Variants in IL17RD observed in about 807,000 individuals in gnomAD.
The protein encoded by IL17RD is interleukin-17 receptor D.
In IL17RD, 52 loss-of-function variants were observed where a neutral mutation model predicts 80.5. The observed-to-expected ratio is 0.65, with a 90% confidence interval of 0.52 to 0.81. The LOEUF (loss-of-function observed/expected upper bound fraction) is 0.81, where lower values mean the gene tolerates loss of function less well. Ranked by LOEUF, IL17RD falls within the 40% of genes least tolerant of loss-of-function variation. The probability of loss-of-function intolerance (pLI) is 0.00; values close to 1 mark genes in which losing one functional copy is unlikely to be tolerated. For missense variants in IL17RD, 1,024 were observed against 955.1 expected, an observed-to-expected ratio of 1.07 and a Z score of -0.95; for synonymous variants, 416 against 391.8, an observed-to-expected ratio of 1.06 and a Z score of -0.73.
In IL17RD at chr3:57,090,400, C is replaced by G. The variant is rs1706527244; in HGVS notation, c.*5993G>C. On this transcript the variant is annotated 3_prime_UTR_variant, in exon 13 of 13. Transcript: ENST00000296318. ...ATGCTTTTTTCTTGAGAGAAACATA[C>G]CAAACTTTTTGTTGTTGTTGTTGAG... 6.5e-6 allele frequency: 1 copy of G among 153,460 alleles called. No homozygotes were observed. The highest frequency in any genetic ancestry group is 1.4e-5 in the Non-Finnish European group (1 of 69,056). The allele number at this position is 153,460 out of a possible 1,614,324, so 9.5% of individuals were successfully genotyped here.
chr3:57,170,008 C>G (rs1412919481), upstream of IL17RD, among the ~76,000 whole-genome samples: 1 of 152,216 alleles, frequency 6.6e-6, no homozygotes, highest in Admixed American at 6.5e-5. Context: ...ATCGCCTGGC[C>G]TGGGACCGCC....
At chr3:57,165,747 G>C (rs1475600472), upstream of IL17RD, among the ~76,000 whole-genome samples, 1 of 152,108 alleles carries the variant, frequency 6.6e-6, no homozygotes, top group African/African-American at 2.4e-5. Flanking sequence ...GTGTATTATT[G>C]TTATCCCAGT....
chr3:57,114,434 T>G (rs1707166250), intron 3 of IL17RD, among the ~76,000 whole-genome samples: 1 of 152,224 alleles, frequency 6.6e-6, no homozygotes, highest in African/African-American at 2.4e-5. Context: ...ATCAGTGCCA[T>G]TTATTACTCA....
intron 11 of IL17RD, among the ~76,000 whole-genome samples, chr3:57,100,115 C>T (rs1262957277): frequency 2.0e-5 from 3 of 152,208 alleles, no homozygotes; most frequent in Non-Finnish European, 4.4e-5. Flanking sequence ...ACTGGAAGAG[C>T]GTTTTCCCCA....
chr3:57,114,632 C>T (rs949085258), intron 3 of IL17RD, 60 bp downstream of exon 3: 2 of 1,509,186 alleles, frequency 1.3e-6, no homozygotes, highest in South Asian at 1.4e-5. Flanking sequence ...CATGTGGGAC[C>T]TTTGCACTGG....
In IL17RD at chr3:57,120,328, G is replaced by C; in HGVS notation, c.127-15C>G. Reference sequence around the variant, plus strand: ...GGCCCCACTCCCTGTGGGAAAACAAGAGAACATGATGCAGAGTGAAGCCAA... The same window carrying C: ...GGCCCCACTCCCTGTGGGAAAACAACAGAACATGATGCAGAGTGAAGCCAA... On this transcript the variant is annotated splice_polypyrimidine_tract_variant and intron_variant, in intron 1 of 12. Transcript: ENST00000296318. 1 of 1,609,724 alleles carries C rather than the reference G, an allele frequency of 6.2e-7. No homozygotes were observed. The highest frequency in any genetic ancestry group is 8.5e-7 in the Non-Finnish European group (1 of 1,176,084).
chr3:57,104,301 C>T (rs201596418), intron 8 of IL17RD, 41 bp downstream of exon 8: 2 of 1,363,210 alleles, frequency 1.5e-6, no homozygotes, highest in Admixed American at 1.8e-5. Flanking sequence ...GAACTGGGTT[C>T]ATTCTATAGC....
At chr3:57,134,494 A>G (rs1707679365) in intron 1 of IL17RD, 2 of 1,105,478 alleles carry the variant, frequency 1.8e-6, no homozygotes, top group Admixed American at 1.7e-5. Flanking sequence ...CACCACACAT[A>G]TCACAGCCTG....
intron 1 of IL17RD, among the ~76,000 whole-genome samples, chr3:57,157,097 A>G (rs2060273197): frequency 6.6e-6 from 1 of 152,128 alleles, no homozygotes; most frequent in Non-Finnish European, 1.5e-5. Flanking sequence ...TCACAGAGAA[A>G]AGGGGGCCTC....
rs1383283054 is a variant in IL17RD, at chr3:57,093,718, T to C, written c.*2675A>G. 2.0e-5 allele frequency: 3 copies of C among 152,210 alleles called. No homozygotes were observed. The highest frequency in any genetic ancestry group is 7.2e-5 in the African/African-American group (3 of 41,432). The allele number at this position is 152,210 out of a possible 1,614,324, so 9.4% of individuals were successfully genotyped here. On this transcript the variant is annotated 3_prime_UTR_variant, in exon 13 of 13. Coordinates refer to ENST00000296318, the MANE Select transcript of IL17RD (RefSeq NM_017563.5). ...ACCTTGTATGGCTGGGCTGAGTCTGTTGAGGTGGTCTCTGTTGAGGTGGTC... is the reference window on the plus strand; with the variant it reads ...ACCTTGTATGGCTGGGCTGAGTCTGCTGAGGTGGTCTCTGTTGAGGTGGTC...
chr3:57,107,889 C>A (rs1024663558), intron 5 of IL17RD, among the ~76,000 whole-genome samples: 1 of 151,970 alleles, frequency 6.6e-6, no homozygotes, highest in Admixed American at 6.6e-5. Context: ...ATTTGGAATG[C>A]CTTTAGAACA....
chr3:57,112,703 TAAAACCCAGA>T (rs199631121), intron 3 of IL17RD, among the ~76,000 whole-genome samples: 4,406 of 152,352 alleles, frequency 0.029, 101 homozygotes, highest in Admixed American at 0.044. Context: ...CCCAGTAGGT[TAAAACCCAGA>T]AGTACTGATG....
intron 3 of IL17RD, among the ~76,000 whole-genome samples, chr3:57,110,943 C>T (rs143568629): frequency 1.3e-3 from 192 of 152,358 alleles, no homozygotes; most frequent in Middle Eastern, 3.4e-3. Flanking sequence ...TCCGAGGCCC[C>T]GAGACACCCA....
At chr3:57,119,073 C>A (rs988621419) in intron 2 of IL17RD, among the ~76,000 whole-genome samples, 3 of 152,078 alleles carry the variant, frequency 2.0e-5, no homozygotes, top group African/African-American at 7.2e-5. Flanking sequence ...GGGTGTGTGG[C>A]CGGGCGCGGT....
chr3:57,126,163 T>C (rs1381709029), intron 1 of IL17RD, among the ~76,000 whole-genome samples: 1 of 152,242 alleles, frequency 6.6e-6, no homozygotes, highest in Non-Finnish European at 1.5e-5. Flanking sequence ...TTGAAAACTA[T>C]AAATGCCAAT....
chr3:57,152,305 T>C (rs561877835), intron 1 of IL17RD, among the ~76,000 whole-genome samples: 1 of 152,328 alleles, frequency 6.6e-6, no homozygotes, highest in Admixed American at 6.5e-5. Context: ...TCTAAATCGC[T>C]GCTTTCTGGC....
At chr3:57,137,172 CAG>C (rs1443302042) in intron 1 of IL17RD, among the ~76,000 whole-genome samples, 2 of 152,206 alleles carry the variant, frequency 1.3e-5, no homozygotes, top group South Asian at 2.1e-4. Flanking sequence ...AGGGATGACA[CAG>C]AGTCTTCCTG....
intron 1 of IL17RD, among the ~76,000 whole-genome samples, chr3:57,145,989 A>G (rs1012734907): frequency 6.6e-6 from 1 of 152,022 alleles, no homozygotes; most frequent in Non-Finnish European, 1.5e-5. Flanking sequence ...TGTGCGATCA[A>G]TCCAAAGACT....
chr3:57,164,876 G>C, intron 1 of IL17RD: 2 of 1,191,944 alleles, frequency 1.7e-6, no homozygotes, highest in Non-Finnish European at 2.1e-6. Flanking sequence ...GCCCAGCCCC[G>C]CCGCCCCTCA....
Sources: allele counts gnomAD v4.1 joint callset (sites outside exome capture counted in the v4.1 genomes callset), GRCh38; gene constraint gnomAD v4.1.1; transcripts MANE v1.5; gene names NCBI Gene and HGNC (gene_info 2026-07-23, HGNC 2026-07-21).